MTOR: variants seen among roughly 807,000 people sequenced by gnomAD.
The protein encoded by MTOR is serine/threonine-protein kinase mTOR.
MTOR carries 70 observed loss-of-function variants against 319.8 expected under a neutral mutation model. The ratio of observed to expected loss-of-function variants is 0.22; its 90% CI spans 0.18 to 0.27. MTOR has a LOEUF of 0.27. Among genes scored for constraint, MTOR ranks in the 10% least tolerant of loss-of-function variants. The probability of loss-of-function intolerance (pLI) is 1.00; values close to 1 mark genes in which losing one functional copy is unlikely to be tolerated. For synonymous variants in MTOR, 1,183 were observed against 1,211.4 expected (o/e 0.98, Z 0.49); for missense variants, 1,890 against 3,274.4 (o/e 0.58, Z 10.32).
rs755790408 is a variant in MTOR, at chr1:11,231,446, C to T, written c.2515-12G>A. The T allele has an allele frequency of 4.3e-6, 7 of 1,613,338 alleles. No homozygotes were observed. The Admixed American group carries it at 8.4e-5, about 19-fold the overall frequency. On this transcript the variant is annotated splice_polypyrimidine_tract_variant and intron_variant, in intron 16 of 57. Transcript: ENST00000361445. The stretch of plus-strand genomic sequence containing the variant: ...GTCCACAGAGCCACCTGGATAGGCA[C>T]AAGAACACGATTCAATGAGCCAGTA...
At chr1:11,160,359 C>A (rs1644439658) in intron 29 of MTOR, among the ~76,000 whole-genome samples, 1 of 152,144 alleles carries the variant, frequency 6.6e-6, no homozygotes, top group African/African-American at 2.4e-5. Flanking sequence ...CTCGGCCTCC[C>A]AAAGTGCTGG....
chr1:11,170,805 G>A (rs1255754850), intron 28 of MTOR, among the ~76,000 whole-genome samples: 1 of 151,174 alleles, frequency 6.6e-6, no homozygotes, highest in Admixed American at 6.6e-5. Flanking sequence ...TCCTGCCTCA[G>A]CCTCTGGAGT....
Position 11,133,454 on chromosome 1 carries a change from T to C in MTOR, c.5247-257A>G, listed in dbSNP as rs1003138391. ...GCATAAACCATGTACCTGGTACAGATAGGTCTGTATGGACTTACCTACCCC... is the reference window on the plus strand; with the variant it reads ...GCATAAACCATGTACCTGGTACAGACAGGTCTGTATGGACTTACCTACCCC... On this transcript the variant is annotated intron_variant, in intron 37 of 57. Coordinates refer to ENST00000361445, the MANE Select transcript of MTOR (RefSeq NM_004958.4). This position sits in a 1 kb window ranked among gnomAD's most constrained non-coding sequence, Gnocchi z 4.0. 7.9e-5 allele frequency among the ~76,000 whole-genome samples: 12 copies of C among 152,322 alleles called. No homozygotes were observed. In the South Asian group the frequency reaches 2.5e-3, roughly 32 times the overall value.
rs1643006646 is a variant in MTOR, at chr1:11,129,444, T to C, written c.5714+294A>G. On this transcript the variant is annotated intron_variant, in intron 40 of 57. Transcript: ENST00000361445. The surrounding 1 kb of genome is among the most constrained non-coding windows in gnomAD (Gnocchi z 4.7). ...ACTGTGACTTCAATAGGCAACAGGG[T>C]GGTCAGAAAAAAAGAAATATTGTGA... 1.3e-5 allele frequency among the ~76,000 whole-genome samples: 2 copies of C among 152,026 alleles called. No individual in the cohort carries two copies. Among genetic ancestry groups the C allele is most frequent in the African/African-American group, 2.4e-5 (1 of 41,406 alleles).
chr1:11,161,158 G>T (rs150149175), intron 29 of MTOR, among the ~76,000 whole-genome samples: 3,652 of 152,306 alleles, frequency 0.024, 162 homozygotes, highest in African/African-American at 0.082. Flanking sequence ...GGCTCAGAGG[G>T]TCCCACGCCC....
At chr1:11,244,255 C>T (rs1457457914) in intron 8 of MTOR, among the ~76,000 whole-genome samples, 1 of 130,962 alleles carries the variant, frequency 7.6e-6, no homozygotes, top group African/African-American at 2.8e-5. Flanking sequence ...TCACGCCATT[C>T]CACTCCAGCC....
intron 28 of MTOR, among the ~76,000 whole-genome samples, chr1:11,172,335 A>G (rs1644842272): frequency 6.6e-6 from 1 of 151,714 alleles, no homozygotes; most frequent in African/African-American, 2.4e-5. Flanking sequence ...AGGTGGGCAG[A>G]TCACGAGGTC....
chr1:11,216,793 C>A (rs1471598109), intron 19 of MTOR, among the ~76,000 whole-genome samples: 2 of 152,158 alleles, frequency 1.3e-5, no homozygotes, highest in African/African-American at 4.8e-5. Context: ...CCTCCCTGTG[C>A]CCAGGCTCTT....
chr1:11,237,816 T>C (rs1647417108), intron 13 of MTOR, 27 bp downstream of exon 13: 1 of 1,612,548 alleles, frequency 6.2e-7, no homozygotes, highest in Non-Finnish European at 8.5e-7. Context: ...CTTCCCTGCC[T>C]GTGGGTCTGG....
chr1:11,192,748 T>TAAAAAA (rs56996673), intron 28 of MTOR, among the ~76,000 whole-genome samples: 1 of 119,254 alleles, frequency 8.4e-6, no homozygotes. Flanking sequence ...CCATTTCAAT[T>TAAAAAA]AAAAAAAAAA....
intron 29 of MTOR, among the ~76,000 whole-genome samples, chr1:11,162,336 T>C (rs7553827): frequency 0.32 from 48,490 of 151,974 alleles, 9,624 homozygotes; most frequent in African/African-American, 0.57. Context: ...GGGAGTGAAA[T>C]AGAACCAAGT....
chr1:11,146,752 G>A lies in MTOR; in HGVS notation c.4610C>T (p.Pro1537Leu), dbSNP rs1311361793. Reference protein sequence around the residue: ...DSMEEYTCMIPRDTHDGAFYR... With the variant: ...DSMEEYTCMILRDTHDGAFYR... ...AAATGCCCCATCATGGGTGTCCCGA[G>A]GGATCATACAGGTGTATTCTTCCAT... is the stretch of plus-strand genomic sequence containing the variant. Residue 1537 changes from proline to leucine, a missense_variant, in exon 32 of 58, where the codon CCT becomes CTT. Physicochemically the swap from Pro to Leu is moderately conservative, Grantham distance 98. This residue lies in a region of MTOR where 276 missense variants were observed against 459.4 expected (regional missense o/e 0.60). Transcript: ENST00000361445. 5 of 1,613,978 alleles carry A rather than the reference G, an allele frequency of 3.1e-6. No homozygotes were observed. The highest frequency in any genetic ancestry group is 1.7e-5 in the Admixed American group (1 of 59,974).
At chr1:11,113,570 T>G (rs1642003651) in intron 53 of MTOR, among the ~76,000 whole-genome samples, 1 of 152,170 alleles carries the variant, frequency 6.6e-6, no homozygotes, top group African/African-American at 2.4e-5. Flanking sequence ...CACTTGATTT[T>G]ATTTTTTATT....
chr1:11,150,022 A>G, intron 31 of MTOR, 104 bp downstream of exon 31: 3 of 941,092 alleles, frequency 3.2e-6, no homozygotes, highest in Middle Eastern at 3.3e-4. Flanking sequence ...TTACCCTTCC[A>G]TAGACCTGGA....
chr1:11,136,326 T>TGAG (rs1224869556), intron 36 of MTOR, among the ~76,000 whole-genome samples: 1 of 152,158 alleles, frequency 6.6e-6, no homozygotes, highest in Non-Finnish European at 1.5e-5. Flanking sequence ...AATCCATGCA[T>TGAG]GAGGACAGGG....
At chr1:11,243,637 G>A (rs955675566) in intron 8 of MTOR, among the ~76,000 whole-genome samples, 2 of 150,634 alleles carry the variant, frequency 1.3e-5, no homozygotes, top group African/African-American at 4.9e-5. Context: ...GCAGAAAGGT[G>A]TGATCGTGTG....
intron 25 of MTOR, among the ~76,000 whole-genome samples, chr1:11,208,323 G>A (rs1359612213): frequency 2.6e-5 from 4 of 152,282 alleles, no homozygotes; most frequent in Non-Finnish European, 5.9e-5. Flanking sequence ...GTGGTCACTT[G>A]AAGCTGTTTG....
At chr1:11,168,499 G>C (rs1644716460) in intron 28 of MTOR, among the ~76,000 whole-genome samples, 1 of 152,214 alleles carries the variant, frequency 6.6e-6, no homozygotes, top group South Asian at 2.1e-4. Flanking sequence ...TGGCAATGCA[G>C]CCCTGCTGAC....
chr1:11,231,336 A>G lies in MTOR; in HGVS notation c.2613T>C (p.Phe871=). 1 of 1,614,164 alleles carries G rather than the reference A, an allele frequency of 6.2e-7. No individual in the cohort carries two copies. The highest frequency in any genetic ancestry group is 8.5e-7 in the Non-Finnish European group (1 of 1,180,020). The change falls in exon 17 of 58, where the codon TTT becomes TTC. Residue 871 remains phenylalanine, a synonymous_variant. Coordinates refer to ENST00000361445, the MANE Select transcript of MTOR (RefSeq NM_004958.4). ...YPTLLEVLLN[F]LKTEQNQGTR... is the part of the protein sequence containing the mutation. ...TACCCTGGTTCTGCTCAGTCTTCAG[A>G]AAATTCAGTAGCACCTCAAGCAAAG...
Sources: allele counts gnomAD v4.1 joint callset (sites outside exome capture counted in the v4.1 genomes callset), GRCh38; gene constraint gnomAD v4.1.1; regional missense constraint gnomAD v4.1.1; non-coding constraint Gnocchi (gnomAD v3.1); transcripts MANE v1.5; gene names NCBI Gene and HGNC (gene_info 2026-07-23, HGNC 2026-07-21).